The following SHC4 variants were observed in gnomAD, a reference collection of about 807,000 sequenced individuals.
SHC4 encodes the protein SHC-transforming protein 4.
Under a neutral mutation model 69.4 loss-of-function variants are expected in SHC4, and 41 were observed. The observed-to-expected ratio is 0.59, with a 90% confidence interval of 0.46 to 0.77. SHC4 has a LOEUF of 0.77. SHC4 is among the 30% of genes least tolerant of loss of function. The probability of loss-of-function intolerance (pLI) is 0.00; values close to 1 mark genes in which losing one functional copy is unlikely to be tolerated. For synonymous variants in SHC4, 318 were observed against 299.3 expected, an observed-to-expected ratio of 1.06 and a Z score of -0.64; for missense variants, 777 against 783.8, an observed-to-expected ratio of 0.99 and a Z score of 0.10.
chr15:48,861,194 G>C (rs763351382), intron 6 of SHC4, among the ~76,000 whole-genome samples: 8 of 152,132 alleles, frequency 5.3e-5, no homozygotes, highest in Non-Finnish European at 8.8e-5. Context: ...GAACTCCTGG[G>C]CTCAAGTGAT....
chr15:48,853,226 C>T (rs1053807323), intron 8 of SHC4, among the ~76,000 whole-genome samples: 3 of 151,998 alleles, frequency 2.0e-5, no homozygotes, highest in Non-Finnish European at 4.4e-5. Context: ...ATTTCACTTA[C>T]AATAGCCACC....
chr15:48,848,047 A>AC (rs1397589416), intron 9 of SHC4, among the ~76,000 whole-genome samples: 1 of 151,986 alleles, frequency 6.6e-6, no homozygotes, highest in African/African-American at 2.4e-5. Context: ...AAACATAAAA[A>AC]CATATGCCCA....
chr15:48,917,114 A>G (rs1387385764), intron 2 of SHC4, among the ~76,000 whole-genome samples: 1 of 152,098 alleles, frequency 6.6e-6, no homozygotes, highest in Non-Finnish European at 1.5e-5. Flanking sequence ...CGTTTGATGC[A>G]GGTTCCCACC....
At chr15:48,910,009 T>C (rs1900478838) in intron 2 of SHC4, among the ~76,000 whole-genome samples, 1 of 152,122 alleles carries the variant, frequency 6.6e-6, no homozygotes, top group Non-Finnish European at 1.5e-5. Flanking sequence ...TATTGGTCTG[T>C]AGTTTTCTTT....
chr15:48,890,414 C>G (rs1208368048), intron 3 of SHC4, among the ~76,000 whole-genome samples: 2 of 152,170 alleles, frequency 1.3e-5, no homozygotes, highest in Non-Finnish European at 2.9e-5. Context: ...TAGTGCAACT[C>G]CCTAACTCCA....
At chr15:48,894,147 A>T (rs1195249880) in intron 2 of SHC4, among the ~76,000 whole-genome samples, 1 of 152,200 alleles carries the variant, frequency 6.6e-6, no homozygotes, top group Non-Finnish European at 1.5e-5. Flanking sequence ...AAGTCTATAT[A>T]AATTAGTGTG....
chr15:48,931,736 C>T (rs558524672), intron 1 of SHC4, among the ~76,000 whole-genome samples: 18 of 152,044 alleles, frequency 1.2e-4, no homozygotes, highest in African/African-American at 2.4e-4. Context: ...AGGCAGAAAG[C>T]GAGAGATTAG....
intron 4 of SHC4, among the ~76,000 whole-genome samples, chr15:48,873,553 G>A (rs1001685068): frequency 6.6e-6 from 1 of 152,160 alleles, no homozygotes; most frequent in Non-Finnish European, 1.5e-5. Flanking sequence ...GACCATCCTA[G>A]CTAACACAGT....
intron 4 of SHC4, chr15:48,878,157 G>C (rs1324467694): frequency 2.0e-6 from 3 of 1,521,498 alleles, no homozygotes; most frequent in Middle Eastern, 1.8e-4. Context: ...CTTTTTCCTA[G>C]AGGTTGAGCG....
chr15:48,896,441 C>T (rs562636918), intron 2 of SHC4, among the ~76,000 whole-genome samples: 3 of 152,172 alleles, frequency 2.0e-5, no homozygotes, highest in African/African-American at 7.2e-5. Context: ...CTGCCTCAGC[C>T]TCCCAAGTAG....
intron 2 of SHC4, among the ~76,000 whole-genome samples, chr15:48,918,343 C>T (rs1024470743): frequency 6.6e-6 from 1 of 152,170 alleles, no homozygotes; most frequent in Admixed American, 6.5e-5. Context: ...TAAACTGGCT[C>T]ATTCAACAAT....
intron 11 of SHC4, among the ~76,000 whole-genome samples, chr15:48,831,879 T>C (rs1196731838): frequency 6.6e-6 from 1 of 152,248 alleles, no homozygotes; most frequent in Non-Finnish European, 1.5e-5. Context: ...TTGTTTCAAC[T>C]TGAAGGACTT....
At chr15:48,952,806 T>C (rs898632228) in intron 1 of SHC4, among the ~76,000 whole-genome samples, 1 of 152,246 alleles carries the variant, frequency 6.6e-6, no homozygotes, top group African/African-American at 2.4e-5. Context: ...GGAATGCTCA[T>C]ACACTGTTGG....
rs1899688742 is a variant in SHC4, at chr15:48,872,136, C to A, written c.847G>T (p.Ala283Ser). ...GAAATAGACTGCATATGATGATTTG[C>A]AATAATCTGAAAAACATAAACATGT... ...LMNLDNQQIIANHHMQSISFA... is the reference protein window; with the variant it reads ...LMNLDNQQIISNHHMQSISFA... The change falls in exon 5 of 12, where the codon GCA becomes TCA. Residue 283 changes from alanine to serine, a missense_variant. Transcript: ENST00000332408. 1.3e-6 allele frequency: 2 copies of A among 1,576,428 alleles called. No individual in the cohort carries two copies. Among genetic ancestry groups the A allele is most frequent in the African/African-American group, 1.4e-5 (1 of 73,600 alleles).
At chr15:48,878,529 G>A (rs767422505) in intron 4 of SHC4, 2 of 1,614,102 alleles carry the variant, frequency 1.2e-6, no homozygotes, top group South Asian at 1.1e-5. Flanking sequence ...GAGCAGCTCA[G>A]TGGTGCCGGC....
intron 10 of SHC4, among the ~76,000 whole-genome samples, chr15:48,840,859 G>T (rs1213933607): frequency 2.0e-5 from 3 of 149,720 alleles, no homozygotes; most frequent in Non-Finnish European, 4.4e-5. Context: ...TAAAGAGGGA[G>T]ATCGTACCAA....
chr15:48,843,104 C>T (rs745401620), intron 10 of SHC4, among the ~76,000 whole-genome samples: 2 of 151,996 alleles, frequency 1.3e-5, no homozygotes, highest in Non-Finnish European at 2.9e-5. Flanking sequence ...GACTGTTGTC[C>T]TGTAAGAGGA....
intron 2 of SHC4, among the ~76,000 whole-genome samples, chr15:48,907,041 A>ATC (rs112024902): frequency 1.5e-3 from 223 of 152,266 alleles, no homozygotes; most frequent in African/African-American, 5.0e-3. Flanking sequence ...ACTACGGGTT[A>ATC]TCTCCAGTGA....
At chr15:48,864,683 A>G (rs1447797342) in intron 6 of SHC4, among the ~76,000 whole-genome samples, 2 of 151,902 alleles carry the variant, frequency 1.3e-5, no homozygotes, top group Non-Finnish European at 2.9e-5. Flanking sequence ...TCCTGACCTC[A>G]TGATCTGCCC....
Sources: allele counts gnomAD v4.1 joint callset (sites outside exome capture counted in the v4.1 genomes callset), GRCh38; gene constraint gnomAD v4.1.1; transcripts MANE v1.5; gene names NCBI Gene and HGNC (gene_info 2026-07-23, HGNC 2026-07-21).